Variants in BNC2 observed in about 807,000 individuals in gnomAD.
The protein encoded by BNC2 is zinc finger protein basonuclin-2.
In BNC2, 20 loss-of-function variants were observed where a neutral mutation model predicts 76.3. The ratio of observed to expected loss-of-function variants is 0.26; its 90% CI spans 0.18 to 0.38. BNC2 has a LOEUF of 0.38. Ranked by LOEUF, BNC2 falls within the 10% of genes least tolerant of loss-of-function variation. The pLI is 1.00. For synonymous variants in BNC2, 582 were observed against 514.8 expected (o/e 1.13, Z -1.77); for missense variants, 1,382 against 1,399.8 (o/e 0.99, Z 0.20).
At chr9:16,454,886 T>C (rs1821414774) in intron 5 of BNC2, among the ~76,000 whole-genome samples, 1 of 152,198 alleles carries the variant, frequency 6.6e-6, no homozygotes, top group Non-Finnish European at 1.5e-5. Flanking sequence ...TTTTAAGACC[T>C]TGGTTGAGCC....
At chr9:16,786,039 G>C (rs907250157) in intron 1 of BNC2, among the ~76,000 whole-genome samples, 14 of 152,160 alleles carry the variant, frequency 9.2e-5, no homozygotes, top group Non-Finnish European at 1.3e-4. Context: ...GTGAGAAGCA[G>C]CAGTAAACTT....
intron 1 of BNC2, among the ~76,000 whole-genome samples, chr9:16,788,613 T>C (rs1826376880): frequency 1.3e-5 from 2 of 150,128 alleles, no homozygotes; most frequent in African/African-American, 4.9e-5. Flanking sequence ...TCAATGACAG[T>C]CTACAGTCCA....
At chr9:16,529,500 C>T (rs1458665270) in intron 5 of BNC2, among the ~76,000 whole-genome samples, 1 of 152,002 alleles carries the variant, frequency 6.6e-6, no homozygotes, top group Non-Finnish European at 1.5e-5. Flanking sequence ...GTATTACTTT[C>T]ATAATCAAAA....
intron 5 of BNC2, among the ~76,000 whole-genome samples, chr9:16,504,652 C>A (rs143611103): frequency 6.6e-6 from 1 of 152,074 alleles, no homozygotes; most frequent in Non-Finnish European, 1.5e-5. Context: ...AATTTCAATA[C>A]TAAAAATGTG....
chr9:16,476,699 A>T (rs7874168), intron 5 of BNC2, among the ~76,000 whole-genome samples: 6,097 of 152,216 alleles, frequency 0.04, 474 homozygotes, highest in African/African-American at 0.14. Context: ...TTTGGCACAT[A>T]GTAGGCACCC....
intron 1 of BNC2, among the ~76,000 whole-genome samples, chr9:16,844,624 G>T (rs967411624): frequency 1.3e-5 from 2 of 149,422 alleles, no homozygotes; most frequent in Non-Finnish European, 3.0e-5. Context: ...TCAGCCTCCC[G>T]AGTAGCTGGG....
At position 16,436,557 on chromosome 9, in the gene BNC2, A is replaced by G. The variant is rs1252362081; in HGVS notation, c.1637T>C (p.Leu546Pro). 6.2e-7 allele frequency: 1 copy of G among 1,614,152 alleles called. No homozygotes were observed. The highest frequency in any genetic ancestry group is 8.5e-7 in the Non-Finnish European group (1 of 1,180,014). Residue 546 changes from leucine to proline, a missense_variant, in exon 6 of 7, where the codon CTA becomes CCA. Physicochemically the swap from Leu to Pro is moderately conservative, Grantham distance 98. Transcript: ENST00000380672. ...RPPMGFTTPPLDPVLQNPLPS... is the reference protein window; with the variant it reads ...RPPMGFTTPPPDPVLQNPLPS... ...GAGAGGATTTTGCAAGACAGGGTCT[A>G]GAGGGGGAGTGGTAAAACCCATTGG...
intron 3 of BNC2, among the ~76,000 whole-genome samples, chr9:16,642,315 G>C (rs1221802034): frequency 6.6e-6 from 1 of 152,056 alleles, no homozygotes; most frequent in Non-Finnish European, 1.5e-5. Context: ...TTCTATTTTA[G>C]GCAATACTGC....
chr9:16,839,009 C>G (rs1281556783), intron 1 of BNC2, among the ~76,000 whole-genome samples: 2 of 152,226 alleles, frequency 1.3e-5, no homozygotes, highest in Admixed American at 6.5e-5. Flanking sequence ...ACTAATTTCA[C>G]TAGTCAGTAG....
chr9:16,795,740 T>C (rs779001552), intron 1 of BNC2, among the ~76,000 whole-genome samples: 8 of 152,280 alleles, frequency 5.3e-5, no homozygotes, highest in South Asian at 4.1e-4. Context: ...GTGAGATTTA[T>C]AGGAACCAAG....
chr9:16,828,964 G>A (rs372012555), intron 1 of BNC2, among the ~76,000 whole-genome samples: 21 of 152,064 alleles, frequency 1.4e-4, no homozygotes, highest in Non-Finnish European at 2.2e-4. Flanking sequence ...GCTGGGGCGC[G>A]GGGGAGAGGC....
rs555390313 is a variant in BNC2 at position 16,759,600 on chromosome 9, C to A, written c.4-21115G>T. ...AAGAGAACAATCATTCTTAACCATG[C>A]CATTTATATATAATTCCATTTTATT... On this transcript the variant is annotated intron_variant, in intron 1 of 6. Transcript: ENST00000380672. Among the ~76,000 whole-genome samples the A allele has an allele frequency of 5.1e-4, 78 of 152,224 alleles. 1 individual carries two copies. The highest frequency in any genetic ancestry group is 1.8e-3 in the Admixed American group (27 of 15,290).
intron 1 of BNC2, among the ~76,000 whole-genome samples, chr9:16,779,301 C>A (rs1414590778): frequency 7.5e-4 from 79 of 105,192 alleles, no homozygotes; most frequent in African/African-American, 1.8e-3. Flanking sequence ...GACCCTCTCT[C>A]AAAAAAAAAA....
intron 5 of BNC2, among the ~76,000 whole-genome samples, chr9:16,478,000 T>C (rs1195994851): frequency 3.3e-5 from 5 of 152,140 alleles, no homozygotes; most frequent in African/African-American, 1.2e-4. Context: ...CATCTTTCCA[T>C]ATCCTGCAAA....
chr9:16,500,418 T>C lies in BNC2; in HGVS notation c.669+52112A>G, dbSNP rs55841233. Among the ~76,000 whole-genome samples the C allele has an allele frequency of 2.2e-4, 33 of 152,306 alleles. No homozygotes were observed. In the East Asian group the frequency reaches 4.6e-3, roughly 21 times the overall value. The stretch of plus-strand genomic sequence containing the variant: ...GTCTCGGGAACCATATGAAAGCTGA[T>C]AGCAAGAACAAACAATTTTTTTCTT... On this transcript the variant is annotated intron_variant, in intron 5 of 6. Coordinates refer to ENST00000380672, the MANE Select transcript of BNC2 (RefSeq NM_017637.6).
intron 3 of BNC2, among the ~76,000 whole-genome samples, chr9:16,589,070 C>T (rs891770611): frequency 2.0e-5 from 3 of 152,162 alleles, no homozygotes; most frequent in Non-Finnish European, 2.9e-5. Context: ...AAACTGATTC[C>T]GGTTCTGGGT....
chr9:16,769,632 T>G (rs1411706605), intron 1 of BNC2, among the ~76,000 whole-genome samples: 1 of 152,184 alleles, frequency 6.6e-6, no homozygotes, highest in Non-Finnish European at 1.5e-5. Context: ...AAAATCCCAG[T>G]GCTGCCTGCC....
intron 5 of BNC2, among the ~76,000 whole-genome samples, chr9:16,541,321 G>A (rs1397067934): frequency 1.3e-5 from 2 of 152,170 alleles, no homozygotes; most frequent in African/African-American, 2.4e-5. Flanking sequence ...GATTCAACCC[G>A]GTTTCCCTGG....
intron 5 of BNC2, among the ~76,000 whole-genome samples, chr9:16,488,493 C>G (rs2131601970): frequency 1.3e-5 from 2 of 152,278 alleles, no homozygotes; most frequent in African/African-American, 4.8e-5. Context: ...TCTACATAAA[C>G]ACTACTGAGT....
Sources: gnomAD v4.1 joint callset for allele counts (sites outside exome capture counted in the v4.1 genomes callset) on GRCh38, gnomAD v4.1.1 for gene constraint, MANE v1.5 for transcripts, NCBI Gene and HGNC (gene_info 2026-07-23, HGNC 2026-07-21) for gene names.